KIAA1328: variants seen among roughly 807,000 people sequenced by gnomAD.
KIAA1328 encodes KIAA1328.
KIAA1328 carries 52 observed loss-of-function variants against 68.1 expected under a neutral mutation model. The ratio of observed to expected loss-of-function variants is 0.76; its 90% CI spans 0.61 to 0.96. KIAA1328 has a LOEUF of 0.96. Among genes scored for constraint, KIAA1328 ranks in the 40% least tolerant of loss-of-function variants. The pLI, the probability that KIAA1328 is intolerant of heterozygous loss-of-function variation, is 0.00. For synonymous variants in KIAA1328, 232 were observed against 239.4 expected (o/e 0.97, Z 0.28); for missense variants, 641 against 677.6 (o/e 0.95, Z 0.60).
intron 6 of KIAA1328, among the ~76,000 whole-genome samples, chr18:36,987,800 T>C (rs1025847934): frequency 2.6e-5 from 4 of 152,204 alleles, no homozygotes; most frequent in East Asian, 3.9e-4. Context: ...GGTGATTGCA[T>C]GTCAGTCATA....
chr18:36,944,397 T>A (rs1464864201), intron 5 of KIAA1328, among the ~76,000 whole-genome samples: 3 of 151,988 alleles, frequency 2.0e-5, no homozygotes, highest in Non-Finnish European at 4.4e-5. Context: ...GCTAACACGG[T>A]GAAACCCCAT....
intron 7 of KIAA1328, among the ~76,000 whole-genome samples, chr18:37,071,557 T>TAG (rs2056535621): frequency 1.3e-5 from 2 of 152,138 alleles, no homozygotes; most frequent in African/African-American, 2.4e-5. Context: ...ATAGTAGGTA[T>TAG]TACCAGTATT....
chr18:36,996,832 G>A (rs2053410570), intron 6 of KIAA1328, among the ~76,000 whole-genome samples: 2 of 152,176 alleles, frequency 1.3e-5, no homozygotes, highest in Non-Finnish European at 2.9e-5. Context: ...ACTATATTAG[G>A]AGGCTGAAGT....
intron 6 of KIAA1328, among the ~76,000 whole-genome samples, chr18:37,052,622 A>C (rs1465996773): frequency 6.6e-6 from 1 of 152,166 alleles, no homozygotes; most frequent in East Asian, 1.9e-4. Context: ...AGGCTTCTAG[A>C]ATCAATAAAC....
intron 6 of KIAA1328, among the ~76,000 whole-genome samples, chr18:36,990,671 AAT>A (rs149879506): frequency 6.6e-4 from 97 of 146,486 alleles, no homozygotes; most frequent in Admixed American, 8.9e-4. Flanking sequence ...ACTCCGTCTA[AAT>A]ATATATATAT....
intron 4 of KIAA1328, among the ~76,000 whole-genome samples, chr18:36,877,289 A>G (rs1250209593): frequency 6.6e-6 from 1 of 151,980 alleles, no homozygotes; most frequent in Non-Finnish European, 1.5e-5. Flanking sequence ...GTCTCCTATT[A>G]TTATTGTGTG....
At chr18:36,863,965 T>A (rs887558760) in intron 4 of KIAA1328, among the ~76,000 whole-genome samples, 6 of 152,156 alleles carry the variant, frequency 3.9e-5, no homozygotes, top group Non-Finnish European at 5.9e-5. Context: ...ATAGGGACAG[T>A]TTTATGACTT....
intron 5 of KIAA1328, among the ~76,000 whole-genome samples, chr18:36,906,620 GTAGA>G (rs1322700058): frequency 6.6e-6 from 1 of 152,010 alleles, no homozygotes; most frequent in Non-Finnish European, 1.5e-5. Context: ...TGGTACATTA[GTAGA>G]TATATATATT....
chr18:37,083,466 T>C (rs2057009523), intron 7 of KIAA1328, among the ~76,000 whole-genome samples: 1 of 152,206 alleles, frequency 6.6e-6, no homozygotes, highest in Admixed American at 6.5e-5. Context: ...GAACATTTCT[T>C]AAAAGCCGAG....
intron 7 of KIAA1328, among the ~76,000 whole-genome samples, chr18:37,158,896 T>C (rs2059215320): frequency 6.6e-6 from 1 of 152,082 alleles, no homozygotes; most frequent in South Asian, 2.1e-4. Context: ...TTGCCTGGGT[T>C]TGGGGCCTCT....
chr18:37,000,764 A>G (rs1471931414), intron 6 of KIAA1328, among the ~76,000 whole-genome samples: 2 of 152,180 alleles, frequency 1.3e-5, no homozygotes, highest in African/African-American at 2.4e-5. Flanking sequence ...AAATACGTGG[A>G]AATTAAACAA....
chr18:36,925,394 G>T (rs1424570979), intron 5 of KIAA1328, among the ~76,000 whole-genome samples: 1 of 152,172 alleles, frequency 6.6e-6, no homozygotes, highest in Non-Finnish European at 1.5e-5. Flanking sequence ...TGTAGACCAT[G>T]AATTGAATAC....
chr18:37,162,551 C>T (rs1462000386), intron 8 of KIAA1328, among the ~76,000 whole-genome samples: 1 of 152,102 alleles, frequency 6.6e-6, no homozygotes, highest in South Asian at 2.1e-4. Flanking sequence ...TGCTGTGGCA[C>T]CCAACCAAAT....
intron 3 of KIAA1328, among the ~76,000 whole-genome samples, chr18:36,841,580 C>T (rs780524446): frequency 2.6e-5 from 4 of 151,948 alleles, no homozygotes; most frequent in Non-Finnish European, 5.9e-5. Flanking sequence ...TTTTCCATAT[C>T]GGGGTTCGCC....
intron 6 of KIAA1328, among the ~76,000 whole-genome samples, chr18:37,032,661 G>A (rs1367688092): frequency 6.6e-6 from 1 of 151,806 alleles, no homozygotes; most frequent in Non-Finnish European, 1.5e-5. Context: ...TTGTTTTTGA[G>A]ATGGAGTTTC....
At chr18:37,216,243 G>A (rs147923515) in intron 9 of KIAA1328, among the ~76,000 whole-genome samples, 2 of 152,102 alleles carry the variant, frequency 1.3e-5, no homozygotes, top group South Asian at 4.2e-4. Flanking sequence ...ATGTTAGGGT[G>A]TTGATTTTAG....
chr18:37,021,503 A>T (rs561161504), intron 6 of KIAA1328, among the ~76,000 whole-genome samples: 1 of 152,230 alleles, frequency 6.6e-6, no homozygotes, highest in Non-Finnish European at 1.5e-5. Context: ...TTAGCACAAC[A>T]ACCAAATTCT....
chr18:36,848,230 T>C (rs1353459401), intron 4 of KIAA1328, among the ~76,000 whole-genome samples: 1 of 151,640 alleles, frequency 6.6e-6, no homozygotes, highest in Admixed American at 6.6e-5. Context: ...TAAATTTTCT[T>C]TAATTTTTCT....
At chr18:36,870,502 A>G (rs1473604432) in intron 4 of KIAA1328, among the ~76,000 whole-genome samples, 1 of 152,228 alleles carries the variant, frequency 6.6e-6, no homozygotes, top group Non-Finnish European at 1.5e-5. Context: ...TAGCAGATGA[A>G]GTAAAATTCC....
Sources: gnomAD v4.1 joint callset for allele counts (sites outside exome capture counted in the v4.1 genomes callset) on GRCh38, gnomAD v4.1.1 for gene constraint, MANE v1.5 for transcripts, NCBI Gene and HGNC (gene_info 2026-07-23, HGNC 2026-07-21) for gene names.